The following WNT9B variants were observed in gnomAD, a reference collection of about 807,000 sequenced individuals.
WNT9B encodes the protein protein Wnt-9b.
WNT9B carries 12 observed loss-of-function variants against 30.2 expected under a neutral mutation model. That is an observed-to-expected ratio of 0.40 (90% CI 0.26 to 0.64). WNT9B has a LOEUF of 0.64. Among genes scored for constraint, WNT9B ranks in the 30% least tolerant of loss-of-function variants. The probability of loss-of-function intolerance (pLI) is 0.42; values close to 1 mark genes in which losing one functional copy is unlikely to be tolerated. For missense variants in WNT9B, 442 were observed against 485.2 expected, an observed-to-expected ratio of 0.91 and a Z score of 0.84; for synonymous variants, 218 against 216.9, an observed-to-expected ratio of 1.01 and a Z score of -0.05.
downstream of WNT9B, among the ~76,000 whole-genome samples, chr17:46,883,876 C>G (rs940770249): frequency 6.6e-6 from 1 of 152,198 alleles, no homozygotes; most frequent in African/African-American, 2.4e-5. Context: ...CTTATCCCCC[C>G]ACTCCCATCC....
Position 46,851,683 on chromosome 17 carries a change from G to A in WNT9B, c.45G>A (p.Leu15=). The A allele has an allele frequency of 3.1e-6, 4 of 1,310,040 alleles. No individual in the cohort carries two copies. The highest frequency in any genetic ancestry group is 3.9e-6 in the Non-Finnish European group (4 of 1,034,080). The allele number at this position is 1,310,040 out of a possible 1,614,324, so 81.2% of individuals were successfully genotyped here. A position where few individuals can be genotyped will look rare whatever the true frequency, so the allele number is the denominator to read the frequency against. The part of the protein sequence containing the change: ...PALALAGLCL[L]ALPAAAASYF... Reference sequence around the variant, plus strand: ...TGGCCCTGGCCGGGCTCTGCCTGCTGGCGCTGCCCGCCGCCGCCGCCTCCT... The same window carrying A: ...TGGCCCTGGCCGGGCTCTGCCTGCTAGCGCTGCCCGCCGCCGCCGCCTCCT... Residue 15 remains leucine, a synonymous_variant, in exon 1 of 4, where the codon CTG becomes CTA. Transcript: ENST00000290015. The surrounding 1 kb of genome is among the most constrained non-coding windows in gnomAD (Gnocchi z 4.3).
intron 1 of WNT9B, among the ~76,000 whole-genome samples, chr17:46,863,213 C>T (rs1005166552): frequency 6.6e-6 from 1 of 152,228 alleles, no homozygotes; most frequent in Non-Finnish European, 1.5e-5. Context: ...AGGTGGTAGC[C>T]TCTGCAGCCA....
chr17:46,856,941 T>TACTC (rs2084948949), intron 1 of WNT9B, among the ~76,000 whole-genome samples: 1 of 152,224 alleles, frequency 6.6e-6, no homozygotes, highest in South Asian at 2.1e-4. Context: ...AGCCCATGGC[T>TACTC]ACTCCACTTC....
Position 46,876,230 on chromosome 17 carries a change from C to A in WNT9B, c.601-15C>A. On this transcript the variant is annotated splice_polypyrimidine_tract_variant and intron_variant, in intron 3 of 3. Transcript: ENST00000290015. ...CCAGGCCTCTGACCACGCCTCTGTT[C>A]TGCCTCCCCCACAGGCTGTGAAGAG... 1 of 1,589,598 alleles carries A rather than the reference C, an allele frequency of 6.3e-7. No individual in the cohort carries two copies.
chr17:46,846,292 A>T (rs79719688), intron 1 of WNT9B, among the ~76,000 whole-genome samples: 1 of 152,188 alleles, frequency 6.6e-6, no homozygotes, highest in East Asian at 1.9e-4. Context: ...CCACAGTCCA[A>T]TGTTTATTCA....
intron 2 of WNT9B, among the ~76,000 whole-genome samples, chr17:46,874,641 A>T (rs1170745722): frequency 6.6e-6 from 1 of 152,104 alleles, no homozygotes; most frequent in Non-Finnish European, 1.5e-5. Context: ...GCAATGGCGC[A>T]ATCTCAGCTC....
chr17:46,853,354 T>G (rs2084886276), intron 1 of WNT9B, among the ~76,000 whole-genome samples: 1 of 147,710 alleles, frequency 6.8e-6, no homozygotes, highest in African/African-American at 2.5e-5. Flanking sequence ...GCTCAACTAA[T>G]GCTAGTGACT....
intron 1 of WNT9B, among the ~76,000 whole-genome samples, chr17:46,852,263 A>G (rs1168611204): frequency 6.8e-6 from 1 of 146,330 alleles, no homozygotes; most frequent in East Asian, 2.4e-4. Flanking sequence ...AATGGGGGAA[A>G]CCTCGGACGG....
chr17:46,837,150 C>G (rs1370288985), intron 1 of WNT9B, among the ~76,000 whole-genome samples: 1 of 152,166 alleles, frequency 6.6e-6, no homozygotes, highest in Non-Finnish European at 1.5e-5. Flanking sequence ...ACCATGTTGG[C>G]CAGGCTGGTC....
chr17:46,872,735 A>G lies in WNT9B; in HGVS notation c.296A>G (p.Asn99Ser), dbSNP rs766059492. Reference protein sequence around the residue: ...CQFQFRHERWNCSLEGRMGLL... With the variant: ...CQFQFRHERWSCSLEGRMGLL... The stretch of plus-strand genomic sequence containing the variant: ...TTTCAGTTCCGGCATGAGCGCTGGA[A>G]CTGTAGCCTGGAGGGCAGGATGGGC... Residue 99 changes from asparagine to serine, a missense_variant, in exon 2 of 4, where the codon AAC becomes AGC. Transcript: ENST00000290015. 8.1e-6 allele frequency: 13 copies of G among 1,610,482 alleles called. No homozygotes were observed. The Admixed American group carries it at 2.2e-4, about 27-fold the overall frequency.
intron 1 of WNT9B, among the ~76,000 whole-genome samples, chr17:46,853,363 CT>C (rs35252647): frequency 0.026 from 2,088 of 78,836 alleles, 27 homozygotes; most frequent in African/African-American, 0.07. Flanking sequence ...ATGCTAGTGA[CT>C]TTTTTTTTTT....
upstream of WNT9B, among the ~76,000 whole-genome samples, chr17:46,847,098 T>C (rs1157311384): frequency 1.3e-5 from 2 of 152,218 alleles, no homozygotes; most frequent in Non-Finnish European, 2.9e-5. Context: ...ACTAGGAAAA[T>C]GCAAGGAAGA....
At chr17:46,843,572 C>T (rs1172610482) in intron 1 of WNT9B, among the ~76,000 whole-genome samples, 1 of 152,216 alleles carries the variant, frequency 6.6e-6, no homozygotes, top group Non-Finnish European at 1.5e-5. Flanking sequence ...GTACTTTCTT[C>T]TCTTTACTGC....
In WNT9B at chr17:46,842,386, G is replaced by GT. The variant is rs139763626; in HGVS notation, c.95+8952dup. The stretch of plus-strand genomic sequence containing the variant: ...GCTTTAAATCTTTATTTATTTGGTT[G>GT]TTTTTTCAGACAGGGTCTCCCTCTG... On this transcript the variant is annotated intron_variant, in intron 1 of 2. Transcript: ENST00000575372. 1.1e-3 allele frequency among the ~76,000 whole-genome samples: 171 copies of GT among 152,206 alleles called. 2 individuals are homozygous for GT. The East Asian group carries it at 0.02, about 18-fold the overall frequency.
chr17:46,852,389 AGTGTGT>A (rs61138160), intron 1 of WNT9B, among the ~76,000 whole-genome samples: 9,119 of 105,206 alleles, frequency 0.087, 522 homozygotes, highest in East Asian at 0.25. Context: ...GAGAGGGCCC[AGTGTGT>A]GTGTGTGTGT....
chr17:46,837,318 G>C (rs767174538), intron 1 of WNT9B, among the ~76,000 whole-genome samples: 8 of 152,162 alleles, frequency 5.3e-5, no homozygotes, highest in Non-Finnish European at 1.0e-4. Flanking sequence ...TCCACCTGCA[G>C]TGACAAGGCT....
chr17:46,840,791 A>T (rs2084704343), intron 1 of WNT9B, among the ~76,000 whole-genome samples: 1 of 152,202 alleles, frequency 6.6e-6, no homozygotes, highest in Admixed American at 6.5e-5. Flanking sequence ...TTGGCTGCAT[A>T]AATGTCTTCT....
chr17:46,854,411 C>A (rs961762774), intron 1 of WNT9B, among the ~76,000 whole-genome samples: 2 of 151,918 alleles, frequency 1.3e-5, no homozygotes, highest in Non-Finnish European at 2.9e-5. Context: ...CAGGTGAGGC[C>A]GATCTTCTTG....
rs929920095 is a variant in WNT9B, at chr17:46,877,969, G to T, written c.*1251G>T. Among the ~76,000 whole-genome samples, 3 of 152,174 alleles carry T rather than the reference G, an allele frequency of 2.0e-5. No individual in the cohort carries two copies. Among genetic ancestry groups the T allele is most frequent in the African/African-American group, 7.2e-5 (3 of 41,440 alleles). ...TTTGATAATTTCCTCAGATCCTGTG[G>T]ACATTTTCAGCAGCACCTGCCAAGG... On this transcript the variant is annotated 3_prime_UTR_variant, in exon 4 of 4. Transcript: ENST00000290015.
Sources: allele counts gnomAD v4.1 joint callset (sites outside exome capture counted in the v4.1 genomes callset), GRCh38; gene constraint gnomAD v4.1.1; non-coding constraint Gnocchi (gnomAD v3.1); transcripts MANE v1.5; gene names NCBI Gene and HGNC (gene_info 2026-07-23, HGNC 2026-07-21).